Variants in WRAP53 observed in about 807,000 individuals in gnomAD.
The protein encoded by WRAP53 is WD repeat containing antisense to TP53.
WRAP53 carries 28 observed loss-of-function variants against 56.6 expected under a neutral mutation model. That is an observed-to-expected ratio of 0.50 (90% CI 0.37 to 0.68). The LOEUF (loss-of-function observed/expected upper bound fraction) is 0.68, where lower values mean the gene tolerates loss of function less well. Ranked by LOEUF, WRAP53 falls within the 30% of genes least tolerant of loss-of-function variation. The pLI, the probability that WRAP53 is intolerant of heterozygous loss-of-function variation, is 0.00. For synonymous variants in WRAP53, 283 were observed against 283.4 expected, an observed-to-expected ratio of 1.00 and a Z score of 0.01; for missense variants, 671 against 715.5, an observed-to-expected ratio of 0.94 and a Z score of 0.71.
intron 4 of WRAP53, among the ~76,000 whole-genome samples, chr17:7,698,435 T>C (rs1045235697): frequency 6.6e-6 from 1 of 152,150 alleles, no homozygotes; most frequent in African/African-American, 2.4e-5. Flanking sequence ...TATAATACCA[T>C]TACTGTTAAG....
In WRAP53 at chr17:7,701,493, A is replaced by G; in HGVS notation, c.766A>G (p.Ile256Val). Reference protein sequence around the residue: ...ASSSRENPIHIWDAFTGELRA... With the variant: ...ASSSRENPIHVWDAFTGELRA... ...CAGCAGCCGGGAGAACCCGATTCAT[A>G]TCTGGGACGCATTCACTGGAGAGCT... Residue 256 changes from isoleucine to valine, a missense_variant, in exon 6 of 11, where the codon ATC (isoleucine) becomes GTC (valine). Physicochemically the swap from Ile to Val is conservative, Grantham distance 29 (BLOSUM62 3). Around this residue, in one of 3 missense-constraint regions of WRAP53, gnomAD observed 406 missense variants for 418.5 expected, o/e 0.97. Coordinates refer to ENST00000396463, the MANE Select transcript of WRAP53 (RefSeq NM_001143992.2). This position sits in a 1 kb window ranked among gnomAD's most constrained non-coding sequence, Gnocchi z 4.2. 2 of 1,614,190 alleles carry G rather than the reference A, an allele frequency of 1.2e-6. No homozygotes were observed. The highest frequency in any genetic ancestry group is 1.7e-6 in the Non-Finnish European group (2 of 1,180,040).
intron 4 of WRAP53, among the ~76,000 whole-genome samples, chr17:7,694,178 A>G (rs1475105856): frequency 6.6e-6 from 1 of 152,024 alleles, no homozygotes; most frequent in Non-Finnish European, 1.5e-5. Flanking sequence ...TGATTATAAT[A>G]TTAAAACATT....
At chr17:7,698,932 T>C (rs1175727549) in intron 4 of WRAP53, among the ~76,000 whole-genome samples, 1 of 151,846 alleles carries the variant, frequency 6.6e-6, no homozygotes, top group Non-Finnish European at 1.5e-5. Context: ...GGCTTATGCT[T>C]ATATTCCCAG....
intron 4 of WRAP53, among the ~76,000 whole-genome samples, chr17:7,698,752 C>G (rs1283770076): frequency 6.6e-6 from 1 of 152,064 alleles, no homozygotes; most frequent in African/African-American, 2.4e-5. Context: ...TAGCAGGCGC[C>G]TGTAATCGTA....
chr17:7,702,854 G>C lies in WRAP53; in HGVS notation c.1268+8G>C, dbSNP rs1194968022. 2.5e-6 allele frequency: 4 copies of C among 1,613,622 alleles called. No individual in the cohort carries two copies. The highest frequency in any genetic ancestry group is 2.5e-6 in the Non-Finnish European group (3 of 1,179,962). ...CTACTTCGATCTGGACCCGTGAGTG[G>C]CTGTGACTCCTTCCTACACAGGGCC... On this transcript the variant is annotated splice_region_variant and intron_variant, in intron 9 of 10. Coordinates refer to ENST00000396463, the MANE Select transcript of WRAP53 (RefSeq NM_001143992.2). This position sits in a 1 kb window ranked among gnomAD's most constrained non-coding sequence, Gnocchi z 5.0.
intron 4 of WRAP53, among the ~76,000 whole-genome samples, chr17:7,691,761 G>T (rs894159635): frequency 2.6e-5 from 4 of 151,876 alleles, no homozygotes; most frequent in African/African-American, 7.3e-5. Flanking sequence ...CTGACCTCAG[G>T]TGATCCACCT....
intron 4 of WRAP53, among the ~76,000 whole-genome samples, chr17:7,691,500 C>G (rs1009036232): frequency 2.0e-5 from 3 of 151,248 alleles, no homozygotes; most frequent in African/African-American, 7.3e-5. Flanking sequence ...AGCGATTCTC[C>G]TGCCTCAGCC....
At chr17:7,695,603 CTT>C (rs1411407401) in intron 4 of WRAP53, among the ~76,000 whole-genome samples, 1 of 152,150 alleles carries the variant, frequency 6.6e-6, no homozygotes, top group Non-Finnish European at 1.5e-5. Context: ...CTTTGTGAAA[CTT>C]TTCCCTTGAG....
rs762845872 is a variant in WRAP53, at chr17:7,701,434, G to A, written c.732-25G>A. On this transcript the variant is annotated intron_variant, in intron 5 of 10. Coordinates refer to ENST00000396463, the MANE Select transcript of WRAP53 (RefSeq NM_001143992.2). This position sits in a 1 kb window ranked among gnomAD's most constrained non-coding sequence, Gnocchi z 4.2. ...CTCCCCTTCCTTTGACAGCACCGGG[G>A]TTTCAGTGTCCATGTCTCTCTCAGC... The A allele has an allele frequency of 1.9e-6, 3 of 1,613,548 alleles. No individual in the cohort carries two copies. Among genetic ancestry groups the A allele is most frequent in the South Asian group, 1.1e-5 (1 of 91,080 alleles).
chr17:7,700,884 C>A, intron 5 of WRAP53, 55 bp downstream of exon 5: 2 of 1,356,330 alleles, frequency 1.5e-6, no homozygotes, highest in Non-Finnish European at 2.1e-6. Flanking sequence ...TCAAGCAGGG[C>A]CTCTTGGGAG....
Position 7,688,647 on chromosome 17 carries a change from G to C in WRAP53, c.-1-1G>C, listed in dbSNP as rs1443609775. 2 of 1,614,194 alleles carry C rather than the reference G, an allele frequency of 1.2e-6. No individual in the cohort carries two copies. The highest frequency in any genetic ancestry group is 1.7e-6 in the Non-Finnish European group (2 of 1,180,034). On this transcript the variant is annotated splice_acceptor_variant, in intron 1 of 10. Coordinates refer to ENST00000396463, the MANE Select transcript of WRAP53 (RefSeq NM_001143992.2). LOFTEE classifies it low-confidence loss of function (5UTR_SPLICE). ...TAATCTCCGCTGTGCTTCCTCTGCAGTATGAAGACTTTGGAGACTCAACCG... is the reference window on the plus strand; with the variant it reads ...TAATCTCCGCTGTGCTTCCTCTGCACTATGAAGACTTTGGAGACTCAACCG...
Position 7,702,625 on chromosome 17 carries a change from G to T in WRAP53, c.1164+73G>T, listed in dbSNP as rs542514585. 2 of 1,596,384 alleles carry T rather than the reference G, an allele frequency of 1.3e-6. No homozygotes were observed. Among genetic ancestry groups the T allele is most frequent in the Admixed American group, 3.4e-5 (2 of 59,182 alleles). ...GAGCAGGGATGTAGTCTGCAGTGTAGGGGAATGGGTGGGGATGGGGAAAAA... is the reference window on the plus strand; with the variant it reads ...GAGCAGGGATGTAGTCTGCAGTGTATGGGAATGGGTGGGGATGGGGAAAAA... On this transcript the variant is annotated intron_variant, in intron 8 of 10. Coordinates refer to ENST00000396463, the MANE Select transcript of WRAP53 (RefSeq NM_001143992.2). This position sits in a 1 kb window ranked among gnomAD's most constrained non-coding sequence, Gnocchi z 5.0.
At position 7,701,664 on chromosome 17, in the gene WRAP53, T is replaced by G. The variant is rs985101020; in HGVS notation, c.830T>G (p.Leu277Arg). 6.2e-7 allele frequency: 1 copy of G among 1,614,266 alleles called. No individual in the cohort carries two copies. Among genetic ancestry groups the G allele is most frequent in the Non-Finnish European group, 8.5e-7 (1 of 1,180,052 alleles). Reference sequence around the variant, plus strand: ...GCCCTTTCCTTCCCCCAGGATGAGCTGACGGCAGCCCATTCGCTCTGCTTC... The same window carrying G: ...GCCCTTTCCTTCCCCCAGGATGAGCGGACGGCAGCCCATTCGCTCTGCTTC... Reference protein sequence around the residue: ...SFRAYNHLDELTAAHSLCFSP... With the variant: ...SFRAYNHLDERTAAHSLCFSP... Residue 277 changes from leucine (L) to arginine (R), a missense_variant, in exon 7 of 11, where the codon CTG becomes CGG. Around this residue, in one of 3 missense-constraint regions of WRAP53, gnomAD observed 406 missense variants for 418.5 expected, o/e 0.97. Transcript: ENST00000396463. This position sits in a 1 kb window ranked among gnomAD's most constrained non-coding sequence, Gnocchi z 4.2.
chr17:7,689,779 A>C, intron 4 of WRAP53, 78 bp downstream of exon 4: 1 of 1,200,956 alleles, frequency 8.3e-7, no homozygotes, highest in South Asian at 1.3e-5. Context: ...AGTGTAGTCC[A>C]AGTGTTTCCT....
chr17:7,690,020 C>G (rs889170609), intron 4 of WRAP53, among the ~76,000 whole-genome samples: 1 of 151,182 alleles, frequency 6.6e-6, no homozygotes, highest in African/African-American at 2.4e-5. Flanking sequence ...GTGATCTCGG[C>G]TCACTGCAAC....
intron 4 of WRAP53, among the ~76,000 whole-genome samples, chr17:7,692,977 G>A (rs1181118616): frequency 1.3e-5 from 2 of 151,224 alleles, no homozygotes; most frequent in Non-Finnish European, 2.9e-5. Flanking sequence ...TCCTGACCTC[G>A]TGATCCTCCT....
intron 5 of WRAP53, 31 bp downstream of exon 5, chr17:7,700,860 C>G (rs756347392): frequency 6.5e-6 from 10 of 1,528,950 alleles, no homozygotes; most frequent in Non-Finnish European, 9.1e-6. Flanking sequence ...TGCTCGCCGC[C>G]CCACCACCCA....
At chr17:7,696,914 G>T (rs1352358827) in intron 4 of WRAP53, among the ~76,000 whole-genome samples, 1 of 152,202 alleles carries the variant, frequency 6.6e-6, no homozygotes, top group Non-Finnish European at 1.5e-5. Flanking sequence ...TTGGATATAT[G>T]GGTTCAGAGT....
chr17:7,693,843 T>C (rs1597410068), intron 4 of WRAP53, among the ~76,000 whole-genome samples: 1 of 152,170 alleles, frequency 6.6e-6, no homozygotes, highest in East Asian at 1.9e-4. Context: ...GATGGTATGG[T>C]TGAGGTTTAC....
Sources: gnomAD v4.1 joint callset for allele counts (sites outside exome capture counted in the v4.1 genomes callset) on GRCh38, gnomAD v4.1.1 for gene constraint, gnomAD v4.1.1 regional missense constraint, Gnocchi (gnomAD v3.1) non-coding constraint, MANE v1.5 for transcripts, NCBI Gene and HGNC (gene_info 2026-07-23, HGNC 2026-07-21) for gene names.